The following FAM13A variants were observed in gnomAD, a reference collection of about 807,000 sequenced individuals.
The protein encoded by FAM13A is protein FAM13A.
In FAM13A, 76 loss-of-function variants were observed where a neutral mutation model predicts 129.6. The ratio of observed to expected loss-of-function variants is 0.59; its 90% CI spans 0.49 to 0.71. The LOEUF is 0.71. FAM13A is among the 30% of genes least tolerant of loss of function. FAM13A has a pLI of 0.00. For synonymous variants in FAM13A, 443 were observed against 449.9 expected (o/e 0.98, Z 0.20); for missense variants, 1,108 against 1,249.3 (o/e 0.89, Z 1.70).
intron 7 of FAM13A, among the ~76,000 whole-genome samples, chr4:88,829,363 C>A (rs757454643): frequency 6.6e-6 from 1 of 152,124 alleles, no homozygotes; most frequent in South Asian, 2.1e-4. Context: ...TGCTTCAGCC[C>A]AGGAAGCTGA....
chr4:88,834,055 A>AC (rs1245551293), intron 7 of FAM13A, among the ~76,000 whole-genome samples: 1 of 84,218 alleles, frequency 1.2e-5, no homozygotes, highest in Admixed American at 1.4e-4. Flanking sequence ...AGGCCTGGCT[A>AC]TTTTTTTTTT....
At chr4:88,804,712 A>ATT (rs777070735) in intron 8 of FAM13A, among the ~76,000 whole-genome samples, 1 of 36,670 alleles carries the variant, frequency 2.7e-5, no homozygotes, top group Non-Finnish European at 5.6e-5. Context: ...TAAAATAGAG[A>ATT]TTTTTAACTT....
intron 6 of FAM13A, among the ~76,000 whole-genome samples, chr4:88,859,198 GGTT>G (rs1224268109): frequency 6.6e-6 from 1 of 152,162 alleles, no homozygotes; most frequent in Admixed American, 6.5e-5. Flanking sequence ...GTCAAAGGAG[GGTT>G]GTTTTTATTT....
chr4:89,022,393 CACATAT>C (rs1767391621), intron 2 of FAM13A, among the ~76,000 whole-genome samples: 8 of 152,142 alleles, frequency 5.3e-5, no homozygotes, highest in African/African-American at 1.9e-4. Context: ...TGTGTTCTTC[CACATAT>C]ACATATTATT....
intron 7 of FAM13A, among the ~76,000 whole-genome samples, chr4:88,836,779 G>C (rs928919397): frequency 2.6e-5 from 4 of 151,928 alleles, no homozygotes; most frequent in Admixed American, 1.3e-4. Context: ...GACCAACATG[G>C]TGAAACCCCG....
chr4:88,796,038 T>C (rs1228234776), intron 8 of FAM13A, among the ~76,000 whole-genome samples: 2 of 151,754 alleles, frequency 1.3e-5, no homozygotes, highest in Non-Finnish European at 3.0e-5. Flanking sequence ...TTTTCTGTTT[T>C]CTTTTATTAT....
chr4:89,023,030 T>C (rs1045499389), intron 2 of FAM13A, among the ~76,000 whole-genome samples: 1 of 152,222 alleles, frequency 6.6e-6, no homozygotes, highest in Non-Finnish European at 1.5e-5. Flanking sequence ...GTATCTGGAT[T>C]CCTGACCCAC....
chr4:88,914,299 C>G (rs961168931), intron 5 of FAM13A, among the ~76,000 whole-genome samples: 12 of 152,286 alleles, frequency 7.9e-5, no homozygotes, highest in Middle Eastern at 3.4e-3. Context: ...TGTCACTTCT[C>G]TACCCTAAAT....
At chr4:88,857,153 T>A (rs1318771660) in intron 6 of FAM13A, among the ~76,000 whole-genome samples, 1 of 152,216 alleles carries the variant, frequency 6.6e-6, no homozygotes, top group Non-Finnish European at 1.5e-5. Context: ...GAGTAGTTTC[T>A]TACACATGCT....
intron 14 of FAM13A, 95 bp from the exon 15 acceptor site, chr4:88,750,732 T>C (rs1405981997): frequency 1.4e-5 from 12 of 882,650 alleles, no homozygotes; most frequent in African/African-American, 3.4e-5. Context: ...CCAGATGCTT[T>C]AGGAAGCTGC....
At position 88,768,057 on chromosome 4, in the gene FAM13A, A is replaced by T; in HGVS notation, c.1461T>A (p.Asn487Lys). Residue 487 changes from asparagine (N) to lysine (K), a missense_variant and splice_region_variant, in exon 12 of 24, where the codon AAT becomes AAA. Physicochemically the swap from Asn to Lys is moderately conservative, Grantham distance 94. Around this residue, in one of 3 missense-constraint regions of FAM13A, gnomAD observed 566 missense variants for 595.7 expected, o/e 0.95. Coordinates refer to ENST00000264344, the MANE Select transcript of FAM13A (RefSeq NM_014883.4). Reference protein sequence around the residue: ...ELHDNQDGLVNMESLNSTRSH... With the variant: ...ELHDNQDGLVKMESLNSTRSH... ...ATCGTGTGGAATTGAGACTTTCCATATTCTGTAACAGAACCATTATTGGTT... is the reference window on the plus strand; with the variant it reads ...ATCGTGTGGAATTGAGACTTTCCATTTTCTGTAACAGAACCATTATTGGTT... The T allele has an allele frequency of 6.3e-7, 1 of 1,591,642 alleles. No individual in the cohort carries two copies. The highest frequency in any genetic ancestry group is 2.2e-5 in the East Asian group (1 of 44,674).
chr4:88,825,304 C>T (rs370856109), intron 7 of FAM13A, among the ~76,000 whole-genome samples: 1 of 151,964 alleles, frequency 6.6e-6, no homozygotes, highest in East Asian at 1.9e-4. Flanking sequence ...CAATCTCCAC[C>T]TCCCAGGTTC....
chr4:88,863,518 T>C (rs1322048546), intron 6 of FAM13A, among the ~76,000 whole-genome samples: 2 of 152,162 alleles, frequency 1.3e-5, no homozygotes, highest in East Asian at 3.8e-4. Context: ...TTATCAAACC[T>C]GAAGTTGGGG....
intron 22 of FAM13A, chr4:88,731,695 T>G (rs1737833179): frequency 1.9e-6 from 1 of 524,894 alleles, no homozygotes; most frequent in East Asian, 3.1e-5. Flanking sequence ...TATTTTTCTT[T>G]GAAAGAAAGA....
intron 8 of FAM13A, among the ~76,000 whole-genome samples, chr4:88,798,865 G>A (rs567890361): frequency 6.6e-6 from 1 of 152,136 alleles, no homozygotes; most frequent in Admixed American, 6.5e-5. Context: ...GGGAAACTGA[G>A]GAATGAAGTA....
At chr4:88,963,209 C>G (rs1579521247) in intron 4 of FAM13A, among the ~76,000 whole-genome samples, 1 of 152,068 alleles carries the variant, frequency 6.6e-6, no homozygotes, top group East Asian at 1.9e-4. Flanking sequence ...ACACCCAGAC[C>G]CAACAAACAA....
At chr4:88,868,516 T>C (rs1203274273) in intron 6 of FAM13A, among the ~76,000 whole-genome samples, 1 of 152,208 alleles carries the variant, frequency 6.6e-6, no homozygotes, top group Non-Finnish European at 1.5e-5. Context: ...CTCTCCCTCT[T>C]GCCAGGGGTG....
At chr4:88,850,336 T>C (rs1379947974) in intron 7 of FAM13A, among the ~76,000 whole-genome samples, 1 of 151,744 alleles carries the variant, frequency 6.6e-6, no homozygotes, top group African/African-American at 2.4e-5. Flanking sequence ...AGAGGGATCA[T>C]TTGAGTTCAG....
chr4:89,039,590 C>A (rs753907721), intron 1 of FAM13A, among the ~76,000 whole-genome samples: 15 of 152,220 alleles, frequency 9.9e-5, no homozygotes, highest in Non-Finnish European at 1.9e-4. Context: ...AAAAAAATGT[C>A]TACTCATTTT....
Sources: gnomAD v4.1 joint callset for allele counts (sites outside exome capture counted in the v4.1 genomes callset) on GRCh38, gnomAD v4.1.1 for gene constraint, gnomAD v4.1.1 regional missense constraint, MANE v1.5 for transcripts, NCBI Gene and HGNC (gene_info 2026-07-23, HGNC 2026-07-21) for gene names.